The following RNGTT variants were observed in gnomAD, a reference collection of about 807,000 sequenced individuals.
RNGTT encodes the protein RNA guanylyltransferase and 5'-phosphatase.
Under a neutral mutation model 79.3 loss-of-function variants are expected in RNGTT, and 33 were observed. That is an observed-to-expected ratio of 0.42 (90% confidence interval 0.32 to 0.56). The LOEUF (loss-of-function observed/expected upper bound fraction) is 0.56, where lower values mean the gene tolerates loss of function less well. Ranked by LOEUF, RNGTT falls within the 20% of genes least tolerant of loss-of-function variation. RNGTT has a pLI of 0.17. For synonymous variants in RNGTT, 222 were observed against 235.9 expected, an observed-to-expected ratio of 0.94 and a Z score of 0.54; for missense variants, 497 against 739.1, an observed-to-expected ratio of 0.67 and a Z score of 3.80.
intron 11 of RNGTT, among the ~76,000 whole-genome samples, chr6:88,807,540 GA>G (rs1013697557): frequency 6.6e-6 from 1 of 151,962 alleles, no homozygotes; most frequent in Non-Finnish European, 1.5e-5. Flanking sequence ...AAAAAAGAGG[GA>G]AAAAAGAAAC....
At chr6:88,946,363 G>A (rs1785009565) in intron 1 of RNGTT, among the ~76,000 whole-genome samples, 1 of 152,172 alleles carries the variant, frequency 6.6e-6, no homozygotes, top group African/African-American at 2.4e-5. Context: ...CCACTGAGCA[G>A]CCATTCCTCC....
At chr6:88,895,633 T>G (rs1488223522) in intron 6 of RNGTT, among the ~76,000 whole-genome samples, 2 of 152,168 alleles carry the variant, frequency 1.3e-5, no homozygotes, top group Non-Finnish European at 2.9e-5. Flanking sequence ...ATACCTTCAT[T>G]ATGTCAAGAG....
At chr6:88,732,268 G>A (rs1777141634) in intron 13 of RNGTT, among the ~76,000 whole-genome samples, 1 of 152,174 alleles carries the variant, frequency 6.6e-6, no homozygotes, top group Non-Finnish European at 1.5e-5. Context: ...TTGCCAAGAA[G>A]CACATGAAAA....
intron 13 of RNGTT, among the ~76,000 whole-genome samples, chr6:88,742,742 T>C (rs571896651): frequency 3.0e-4 from 45 of 152,326 alleles, no homozygotes; most frequent in African/African-American, 1.0e-3. Flanking sequence ...CTGTTGAAGT[T>C]TGGCAGCATT....
intron 13 of RNGTT, among the ~76,000 whole-genome samples, chr6:88,707,045 A>C (rs1290414221): frequency 6.6e-6 from 1 of 152,222 alleles, no homozygotes; most frequent in Non-Finnish European, 1.5e-5. Flanking sequence ...CTTAGCATTG[A>C]TTATTTGAGA....
rs1344870558 is a variant in RNGTT, at chr6:88,826,800, AT to A, written c.1269+17556del. Among the ~76,000 whole-genome samples the A allele has an allele frequency of 2.6e-3, 241 of 92,006 alleles. 3 individuals are homozygous for A. The highest frequency in any genetic ancestry group is 6.8e-3 in the South Asian group (18 of 2,628). The allele number at this position is 92,006 out of a possible 152,430, so 60.4% of individuals were successfully genotyped here. A position where few individuals can be genotyped will look rare whatever the true frequency, so the allele number is the denominator to read the frequency against. ...CCCTGTCTCAAAAGAAAAAAAAAAA[AT>A]ATATATATATATATATGTGTGTGTA... On this transcript the variant is annotated intron_variant, in intron 11 of 15. Transcript: ENST00000369485.
intron 12 of RNGTT, among the ~76,000 whole-genome samples, chr6:88,789,654 G>C (rs1032686940): frequency 1.3e-5 from 2 of 152,142 alleles, no homozygotes; most frequent in African/African-American, 4.8e-5. Flanking sequence ...TATAATTAAT[G>C]TAACACAGCA....
chr6:88,849,935 CT>C, intron 9 of RNGTT, 109 bp from the exon 10 acceptor site: 1 of 1,066,776 alleles, frequency 9.4e-7, no homozygotes, highest in South Asian at 2.7e-5. Context: ...AAATATACAA[CT>C]TGATGAAATT....
intron 12 of RNGTT, among the ~76,000 whole-genome samples, chr6:88,770,519 T>A (rs1161762964): frequency 6.6e-6 from 1 of 152,226 alleles, no homozygotes; most frequent in African/African-American, 2.4e-5. Context: ...ATTGTATGTA[T>A]ATACCACAAA....
chr6:88,911,848 T>C (rs1047613143), intron 4 of RNGTT, among the ~76,000 whole-genome samples: 6 of 151,996 alleles, frequency 3.9e-5, no homozygotes, highest in Non-Finnish European at 8.8e-5. Flanking sequence ...TCTTGCCCTC[T>C]GAGAGGCCAA....
chr6:88,921,053 C>T (rs1298878161), intron 4 of RNGTT, among the ~76,000 whole-genome samples: 1 of 152,120 alleles, frequency 6.6e-6, no homozygotes, highest in African/African-American at 2.4e-5. Context: ...TTGCTGATAA[C>T]ACCTTTCTAA....
intron 8 of RNGTT, among the ~76,000 whole-genome samples, chr6:88,864,514 A>G (rs1782109135): frequency 6.6e-6 from 1 of 152,118 alleles, no homozygotes; most frequent in Non-Finnish European, 1.5e-5. Flanking sequence ...AGTGGTTAAG[A>G]ACCATTCATC....
intron 14 of RNGTT, among the ~76,000 whole-genome samples, chr6:88,624,219 G>A (rs1772542972): frequency 6.6e-6 from 1 of 151,750 alleles, no homozygotes; most frequent in Non-Finnish European, 1.5e-5. Context: ...ATCCCCAAAG[G>A]ATTTTTTAAT....
intron 13 of RNGTT, among the ~76,000 whole-genome samples, chr6:88,760,906 G>A (rs958603472): frequency 2.1e-5 from 3 of 145,624 alleles, no homozygotes; most frequent in African/African-American, 7.7e-5. Flanking sequence ...ATGAGATCTT[G>A]CTGTATTGCA....
At chr6:88,666,153 G>T (rs1013810181) in intron 14 of RNGTT, among the ~76,000 whole-genome samples, 1 of 152,098 alleles carries the variant, frequency 6.6e-6, no homozygotes, top group African/African-American at 2.4e-5. Context: ...TTTGAATGGG[G>T]GTCCCAACAG....
chr6:88,875,429 A>G (rs951782100), intron 8 of RNGTT, among the ~76,000 whole-genome samples: 4 of 152,154 alleles, frequency 2.6e-5, no homozygotes, highest in Admixed American at 1.3e-4. Context: ...GACAGAAGAC[A>G]TTATCAGAAA....
intron 11 of RNGTT, among the ~76,000 whole-genome samples, chr6:88,809,132 A>T (rs1414948083): frequency 6.6e-6 from 1 of 152,172 alleles, no homozygotes; most frequent in Admixed American, 6.5e-5. Flanking sequence ...TCTGAACAAG[A>T]AATTACTAGA....
At chr6:88,870,511 CAA>C (rs751016965) in intron 8 of RNGTT, among the ~76,000 whole-genome samples, 64 of 91,648 alleles carry the variant, frequency 7.0e-4, no homozygotes, top group Middle Eastern at 5.8e-3. Context: ...CAATTAAGAG[CAA>C]AAAAAAAAAA....
At chr6:88,863,830 T>C (rs1298280671) in intron 8 of RNGTT, among the ~76,000 whole-genome samples, 1 of 152,162 alleles carries the variant, frequency 6.6e-6, no homozygotes, top group Admixed American at 6.5e-5. Context: ...GCTATAATTA[T>C]GGGCTCTGAT....
Sources: allele counts gnomAD v4.1 joint callset (sites outside exome capture counted in the v4.1 genomes callset), GRCh38; gene constraint gnomAD v4.1.1; transcripts MANE v1.5; gene names NCBI Gene and HGNC (gene_info 2026-07-23, HGNC 2026-07-21).